Variants in CCDC3 observed in about 807,000 individuals in gnomAD.
The protein encoded by CCDC3 is coiled-coil domain-containing protein 3.
Under a neutral mutation model 21.4 loss-of-function variants are expected in CCDC3, and 24 were observed. That is an observed-to-expected ratio of 1.12 (90% CI 0.81 to 1.58). The LOEUF is 1.58. Among genes scored for constraint, CCDC3 ranks in the 40% most tolerant of loss-of-function variants. CCDC3 has a pLI of 0.00. For missense variants in CCDC3, 425 were observed against 360.9 expected, an observed-to-expected ratio of 1.18 and a Z score of -1.44; for synonymous variants, 186 against 166.0, an observed-to-expected ratio of 1.12 and a Z score of -0.93.
chr10:13,017,507 A>T (rs1390291218), intron 5 of CCDC3, among the ~76,000 whole-genome samples: 1 of 112,004 alleles, frequency 8.9e-6, no homozygotes, highest in Non-Finnish European at 1.9e-5. Context: ...ACAGAGCAAG[A>T]CTCCATCTCA....
chr10:12,937,712 A>T (rs935478252), intron 2 of CCDC3, among the ~76,000 whole-genome samples: 2 of 152,226 alleles, frequency 1.3e-5, no homozygotes, highest in African/African-American at 4.8e-5. Flanking sequence ...TGTGACTCAG[A>T]ATAAGCTCAT....
At chr10:12,995,760 G>A (rs771731672) in intron 2 of CCDC3, among the ~76,000 whole-genome samples, 3 of 152,118 alleles carry the variant, frequency 2.0e-5, no homozygotes, top group Non-Finnish European at 4.4e-5. Flanking sequence ...TTATCTAAGA[G>A]GCCAGGGTGA....
At chr10:13,026,651 T>C (rs1836220674) in intron 5 of CCDC3, among the ~76,000 whole-genome samples, 1 of 152,238 alleles carries the variant, frequency 6.6e-6, no homozygotes, top group Non-Finnish European at 1.5e-5. Flanking sequence ...CATTCTCAAC[T>C]AATCCTTGAT....
Position 12,948,248 on chromosome 10 carries a change from G to T in CCDC3, c.550-49569C>A, listed in dbSNP as rs112155079. On this transcript the variant is annotated intron_variant, in intron 2 of 2. Coordinates refer to ENST00000378825, the MANE Select transcript of CCDC3 (RefSeq NM_031455.4). ...TCTTCCTTCGCCTTCCACCATAATT[G>T]TGAGGCCTCCCCAGCCACATGGAAC... Among the ~76,000 whole-genome samples the T allele has an allele frequency of 8.9e-3, 1,349 of 152,102 alleles. 16 individuals are homozygous for T. The highest frequency in any genetic ancestry group is 0.031 in the African/African-American group (1,264 of 41,436).
chr10:13,082,856 G>A (rs1837059568), intron 3 of CCDC3, among the ~76,000 whole-genome samples: 1 of 152,104 alleles, frequency 6.6e-6, no homozygotes, highest in Non-Finnish European at 1.5e-5. Context: ...TATAACAGTG[G>A]AATAAAGAGT....
intron 3 of CCDC3, among the ~76,000 whole-genome samples, chr10:13,074,770 C>T (rs557799973): frequency 2.8e-4 from 42 of 152,290 alleles, no homozygotes; most frequent in African/African-American, 9.9e-4. Context: ...TTTTACTCAG[C>T]TATCTACGTT....
At chr10:12,971,792 T>A (rs1835347458) in intron 2 of CCDC3, among the ~76,000 whole-genome samples, 1 of 152,116 alleles carries the variant, frequency 6.6e-6, no homozygotes, top group African/African-American at 2.4e-5. Flanking sequence ...TTCAAGCGAT[T>A]CTCCTTGCCT....
chr10:12,907,986 G>A (rs1280541077), intron 2 of CCDC3, among the ~76,000 whole-genome samples: 1 of 152,230 alleles, frequency 6.6e-6, no homozygotes, highest in Admixed American at 6.5e-5. Flanking sequence ...GTGGGAAGCA[G>A]GGGGACAAGA....
At chr10:13,098,343 T>C (rs1011582916) in intron 3 of CCDC3, among the ~76,000 whole-genome samples, 5 of 152,024 alleles carry the variant, frequency 3.3e-5, no homozygotes, top group African/African-American at 1.2e-4. Flanking sequence ...TGAGACAAAG[T>C]CTCCCTCTCA....
upstream of CCDC3, among the ~76,000 whole-genome samples, chr10:13,006,007 T>A (rs1835919639): frequency 6.6e-6 from 1 of 152,160 alleles, no homozygotes. Context: ...AGGTGGCAGG[T>A]CCCTGAATTT....
At chr10:13,096,296 G>C (rs995023552) in intron 3 of CCDC3, among the ~76,000 whole-genome samples, 2 of 151,956 alleles carry the variant, frequency 1.3e-5, no homozygotes, top group Non-Finnish European at 2.9e-5. Flanking sequence ...CAATTCTCCT[G>C]CCTCAGCCTC....
intron 2 of CCDC3, among the ~76,000 whole-genome samples, chr10:12,967,945 C>T (rs1170591900): frequency 1.3e-5 from 2 of 152,060 alleles, no homozygotes; most frequent in African/African-American, 4.8e-5. Flanking sequence ...CCGAGGCGGG[C>T]AGATCACAAG....
At position 13,001,357 on chromosome 10, in the gene CCDC3, C is replaced by A. The variant is rs553264693; in HGVS notation, c.214G>T (p.Gly72Cys). ...TCGACCTCGGCCGAGTAGAAGAGGC[C>A]CCCCTGGCCGGCGTGGTACTGCCAG... is the stretch of plus-strand genomic sequence containing the variant. ...LPWQYHAGQG[G>C]LFYSAEVEML... Residue 72 changes from glycine (G) to cysteine (C), a missense_variant, in exon 1 of 3, where the codon GGC (glycine) becomes TGC (cysteine). Coordinates refer to ENST00000378825, the MANE Select transcript of CCDC3 (RefSeq NM_031455.4). 6 of 1,598,914 alleles carry A rather than the reference C, an allele frequency of 3.8e-6. No individual in the cohort carries two copies. In the African/African-American group the frequency reaches 8.0e-5, roughly 21 times the overall value.
chr10:12,969,464 A>G (rs1835308707), intron 2 of CCDC3, among the ~76,000 whole-genome samples: 2 of 151,970 alleles, frequency 1.3e-5, no homozygotes, highest in South Asian at 4.1e-4. Context: ...ACACACACCC[A>G]CAAATTAAAA....
In CCDC3 at chr10:12,898,017, G is replaced by C. The variant is rs1834027409; in HGVS notation, c.*399C>G. On this transcript the variant is annotated 3_prime_UTR_variant, in exon 3 of 3. Transcript: ENST00000378825. ...ACTCATCAGGACTAATGGTTGTCCT[G>C]GACTGGGGAGCTGGGAACCACCCTG... 5.6e-6 allele frequency: 1 copy of C among 177,786 alleles called. No individual in the cohort carries two copies. Among genetic ancestry groups the C allele is most frequent in the Non-Finnish European group, 1.2e-5 (1 of 82,994 alleles). The allele number at this position is 177,786 out of a possible 1,614,324, so 11.0% of individuals were successfully genotyped here. A position where few individuals can be genotyped will look rare whatever the true frequency, so the allele number is the denominator to read the frequency against.
At position 13,001,253 on chromosome 10, in the gene CCDC3, G is replaced by C. The variant is rs1835847857; in HGVS notation, c.318C>G (p.Tyr106Ter). 4 of 1,592,186 alleles carry C rather than the reference G, an allele frequency of 2.5e-6. No individual in the cohort carries two copies. The South Asian group carries it at 4.6e-5, about 18-fold the overall frequency. ...GSRLNLTGLGYFSCHSHTVVQ... is the reference protein window; with the variant it reads ...GSRLNLTGLG ...CCACGGTGTGGGAGTGGCACGAGAA[G>C]TAGCCCAGGCCGGTGAGGTTGAGCC... Residue 106 changes from tyrosine (Y) to a stop codon, truncating the protein, a stop_gained, in exon 1 of 3, where the codon TAC becomes TAG. Coordinates refer to ENST00000378825, the MANE Select transcript of CCDC3 (RefSeq NM_031455.4). LOFTEE classifies it high-confidence loss of function.
At position 13,067,285 on chromosome 10, in the gene CCDC3, T is replaced by C. The variant is rs192548052; in HGVS notation, c.-270+6583A>G. On this transcript the variant is annotated intron_variant, in intron 4 of 6. Transcript: ENST00000378839. ...TTCTCTCCCTGTCGGAGGAACCCAT[T>C]TGTATAAGAGTAAGAGGTATTTTCC... 5.1e-3 allele frequency among the ~76,000 whole-genome samples: 781 copies of C among 152,310 alleles called. 7 individuals are homozygous for C. The highest frequency in any genetic ancestry group is 0.018 in the African/African-American group (739 of 41,558).
rs1834006937 is a variant in CCDC3, at chr10:12,896,667, C to T, written c.*1749G>A. ...GCTCGTATTTATTGGAAAAGCAGAACAGTATGCACCTGTAGGGGTGTAGCT... is the reference window on the plus strand; with the variant it reads ...GCTCGTATTTATTGGAAAAGCAGAATAGTATGCACCTGTAGGGGTGTAGCT... On this transcript the variant is annotated 3_prime_UTR_variant, in exon 3 of 3. Coordinates refer to ENST00000378825, the MANE Select transcript of CCDC3 (RefSeq NM_031455.4). 6.5e-6 allele frequency: 1 copy of T among 152,698 alleles called. No individual in the cohort carries two copies. Among genetic ancestry groups the T allele is most frequent in the African/African-American group, 2.4e-5 (1 of 41,456 alleles). 9.5% of individuals were successfully genotyped at this position (152,698 alleles called of 1,614,324 possible).
chr10:12,983,646 T>C (rs1835541082), intron 2 of CCDC3, among the ~76,000 whole-genome samples: 1 of 139,056 alleles, frequency 7.2e-6, no homozygotes, highest in African/African-American at 2.8e-5. Context: ...TTTACAGTCA[T>C]AGCTCTAATA....
Sources: allele counts gnomAD v4.1 joint callset (sites outside exome capture counted in the v4.1 genomes callset), GRCh38; gene constraint gnomAD v4.1.1; transcripts MANE v1.5; gene names NCBI Gene and HGNC (gene_info 2026-07-23, HGNC 2026-07-21).